Variants in PHYHIP observed in about 807,000 individuals in gnomAD.
The protein encoded by PHYHIP is phytanoyl-CoA 2-hydroxylase interacting protein.
PHYHIP carries 7 observed loss-of-function variants against 26.1 expected under a neutral mutation model. That is an observed-to-expected ratio of 0.27 (90% CI 0.15 to 0.50). PHYHIP has a LOEUF of 0.50. PHYHIP is among the 20% of genes least tolerant of loss of function. The pLI is 0.98. For missense variants in PHYHIP, 232 were observed against 454.7 expected (o/e 0.51, Z 4.45); for synonymous variants, 206 against 183.4 (o/e 1.12, Z -1.00).
chr8:22,226,804 C>A, intron 3 of PHYHIP, 47 bp downstream of exon 3: 1 of 1,551,230 alleles, frequency 6.4e-7, no homozygotes, highest in Non-Finnish European at 8.8e-7. Flanking sequence ...CACAGCAAAG[C>A]CCGACGTGCC....
At chr8:22,227,341 G>A (rs886228418) in intron 2 of PHYHIP, among the ~76,000 whole-genome samples, 13 of 152,222 alleles carry the variant, frequency 8.5e-5, no homozygotes, top group South Asian at 4.1e-4. Context: ...CTGCAGTGCC[G>A]TCTCCACGGC....
chr8:22,223,094 G>A (rs1563296873), intron 4 of PHYHIP, among the ~76,000 whole-genome samples: 1 of 152,038 alleles, frequency 6.6e-6, no homozygotes, highest in Admixed American at 6.6e-5. Flanking sequence ...CGGGCGTGGT[G>A]GCTCATGCCT....
At chr8:22,222,587 C>A (rs995907731) in intron 4 of PHYHIP, among the ~76,000 whole-genome samples, 1 of 152,314 alleles carries the variant, frequency 6.6e-6, no homozygotes, top group South Asian at 2.1e-4. Context: ...CTGTGCTCAA[C>A]AATTACACGT....
At chr8:22,224,484 ACCTTAAACTCAGATGGGAACAGGCCAG>A (rs1242705030) in intron 3 of PHYHIP, 141 bp from the exon 4 acceptor site, 2 of 621,918 alleles carry the variant, frequency 3.2e-6, no homozygotes, top group Non-Finnish European at 5.8e-6. Context: ...CAGTCGCAGA[ACCTTAAACTCAGATGGGAACAGGCCAG>A]CTGGCCTCTG....
chr8:22,225,252 A>C (rs551128367), intron 3 of PHYHIP, among the ~76,000 whole-genome samples: 1 of 152,260 alleles, frequency 6.6e-6, no homozygotes, highest in African/African-American at 2.4e-5. Flanking sequence ...GCACTTTGGG[A>C]TCACTTGAGC....
intron 4 of PHYHIP, among the ~76,000 whole-genome samples, chr8:22,222,349 G>A (rs1829648432): frequency 6.6e-6 from 1 of 152,086 alleles, no homozygotes; most frequent in African/African-American, 2.4e-5. Flanking sequence ...CTTCTAATTA[G>A]CCTTCAAGCT....
At chr8:22,228,107 C>T in intron 2 of PHYHIP, 86 bp downstream of exon 2, 1 of 1,150,970 alleles carries the variant, frequency 8.7e-7, no homozygotes. Context: ...CCTCTGACTC[C>T]AAGCCATCAC....
At chr8:22,228,541 GAGA>G in intron 1 of PHYHIP, 155 bp from the exon 2 acceptor site, 1 of 561,316 alleles carries the variant, frequency 1.8e-6, no homozygotes, top group Non-Finnish European at 3.2e-6. Context: ...GGGGAGGCTG[GAGA>G]AGGATGATGG....
chr8:22,230,043 G>C (rs1829835310), intron 1 of PHYHIP, among the ~76,000 whole-genome samples: 1 of 152,164 alleles, frequency 6.6e-6, no homozygotes, highest in Non-Finnish European at 1.5e-5. Flanking sequence ...GGTGCTACCA[G>C]GCCCACCCCA....
intron 1 of PHYHIP, 155 bp from the exon 2 acceptor site, chr8:22,228,541 G>C: frequency 1.8e-6 from 1 of 561,316 alleles, no homozygotes; most frequent in South Asian, 2.3e-5. Context: ...GGGGAGGCTG[G>C]AGAAGGATGA....
At chr8:22,227,535 G>A (rs893413597) in intron 2 of PHYHIP, 6 of 447,416 alleles carry the variant, frequency 1.3e-5, no homozygotes, top group Non-Finnish European at 2.3e-5. Context: ...CGGTGCCGTC[G>A]GCCTGGGAGC....
intron 3 of PHYHIP, among the ~76,000 whole-genome samples, chr8:22,224,597 C>T (rs569290257): frequency 3.5e-4 from 53 of 152,318 alleles, no homozygotes; most frequent in African/African-American, 1.2e-3. Flanking sequence ...CCGGGCTCTC[C>T]GGGTCAGAAA....
intron 1 of PHYHIP, 57 bp from the exon 2 acceptor site, chr8:22,228,443 GTCC>G: frequency 1.0e-6 from 1 of 995,304 alleles, no homozygotes; most frequent in Non-Finnish European, 1.5e-6. Flanking sequence ...TTTCTGGAAT[GTCC>G]TCCTCCCAAT....
chr8:22,224,621 G>A (rs1198394165), intron 3 of PHYHIP, among the ~76,000 whole-genome samples: 1 of 152,244 alleles, frequency 6.6e-6, no homozygotes, highest in Non-Finnish European at 1.5e-5. Context: ...GCAGAGGGCT[G>A]CCCAGTTATC....
chr8:22,228,372 T>G lies in PHYHIP; in HGVS notation c.-15A>C. The G allele has an allele frequency of 1.3e-6, 2 of 1,573,954 alleles. No homozygotes were observed. Among genetic ancestry groups the G allele is most frequent in the Non-Finnish European group, 1.7e-6 (2 of 1,158,946 alleles). On this transcript the variant is annotated 5_prime_UTR_variant, in exon 2 of 5. Transcript: ENST00000454243. The stretch of plus-strand genomic sequence containing the variant: ...AGCAGCTCCATGCTCCCGTCAGGGT[T>G]GTCTCCTGTGGGGACTGAGGAGGAG...
chr8:22,220,909 G>T lies in PHYHIP; in HGVS notation c.*444C>A, dbSNP rs2131917217. On this transcript the variant is annotated 3_prime_UTR_variant, in exon 5 of 5. Coordinates refer to ENST00000454243, the MANE Select transcript of PHYHIP (RefSeq NM_014759.5). ...GGGCATTCTGTGGTTGGCCCTGAGT[G>T]GGGTGAGTGGGACTAAGAAAGATCG... is the stretch of plus-strand genomic sequence containing the variant. 1.2e-5 allele frequency: 2 copies of T among 160,888 alleles called. No homozygotes were observed. Among genetic ancestry groups the T allele is most frequent in the East Asian group, 1.8e-4 (1 of 5,430 alleles). 10.0% of individuals were successfully genotyped at this position (160,888 alleles called of 1,614,324 possible).
chr8:22,224,376 G>A lies in PHYHIP; in HGVS notation c.341-33C>T, dbSNP rs768888147. 4 of 1,314,214 alleles carry A rather than the reference G, an allele frequency of 3.0e-6. No homozygotes were observed. The Admixed American group carries it at 5.0e-5, about 17-fold the overall frequency. 81.4% of individuals were successfully genotyped at this position (1,314,214 alleles called of 1,614,324 possible). A position where few individuals can be genotyped will look rare whatever the true frequency, so the allele number is the denominator to read the frequency against. On this transcript the variant is annotated intron_variant, in intron 3 of 4. Coordinates refer to ENST00000454243, the MANE Select transcript of PHYHIP (RefSeq NM_014759.5). ...ATCCCAGATGCGGTAGGTGAGCCGA[G>A]GGCCAGCTGAGGAGCACAAACACCT... is the stretch of plus-strand genomic sequence containing the variant.
chr8:22,227,023 G>T lies in PHYHIP; in HGVS notation c.168C>A (p.Asp56Glu). Reference protein sequence around the residue: ...NKNSNKFKHRDVPTKLVAKAV... With the variant: ...NKNSNKFKHREVPTKLVAKAV... ...CCTTGGCCACGAGCTTGGTGGGGAC[G>T]TCCTGAGAAACAGGGTACAAACAGA... is the stretch of plus-strand genomic sequence containing the variant. The change falls in exon 3 of 5, where the codon GAC (aspartate) becomes GAA (glutamate). Residue 56 changes from aspartate (D) to glutamate (E), a missense_variant and splice_region_variant. Physicochemically the swap from Asp to Glu is conservative, Grantham distance 45. Transcript: ENST00000454243. The T allele has an allele frequency of 6.2e-7, 1 of 1,609,658 alleles. No homozygotes were observed.
intron 4 of PHYHIP, among the ~76,000 whole-genome samples, chr8:22,223,218 C>T (rs932650209): frequency 4.6e-5 from 7 of 151,876 alleles, no homozygotes; most frequent in Non-Finnish European, 7.4e-5. Context: ...AAAAATTAGC[C>T]GGGCATGGTG....
Sources: allele counts gnomAD v4.1 joint callset (sites outside exome capture counted in the v4.1 genomes callset), GRCh38; gene constraint gnomAD v4.1.1; transcripts MANE v1.5; gene names NCBI Gene and HGNC (gene_info 2026-07-23, HGNC 2026-07-21).